The following HDAC1 variants were observed in gnomAD, a reference collection of about 807,000 sequenced individuals.
The protein encoded by HDAC1 is protein deacetylase HDAC1.
In HDAC1, 18 loss-of-function variants were observed where a neutral mutation model predicts 65.5. The observed-to-expected ratio is 0.27, with a 90% CI of 0.19 to 0.41. The LOEUF (loss-of-function observed/expected upper bound fraction) is 0.41, where lower values mean the gene tolerates loss of function less well. HDAC1 is among the 10% of genes least tolerant of loss of function. HDAC1 has a pLI of 1.00. For missense variants in HDAC1, 373 were observed against 625.2 expected, an observed-to-expected ratio of 0.60 and a Z score of 4.30; for synonymous variants, 211 against 227.9, an observed-to-expected ratio of 0.93 and a Z score of 0.67.
chr1:32,330,506 C>G lies in HDAC1; in HGVS notation c.730-72C>G. On this transcript the variant is annotated intron_variant, in intron 7 of 13. Coordinates refer to ENST00000373548, the MANE Select transcript of HDAC1 (RefSeq NM_004964.3). This position sits in a 1 kb window ranked among gnomAD's most constrained non-coding sequence, Gnocchi z 4.2. The stretch of plus-strand genomic sequence containing the variant: ...GGTAGGAGTGGGTGGGAAAGTGTTG[C>G]ACCCAGCCTTTCCACTCCAAACCTC... 1 of 1,009,864 alleles carries G rather than the reference C, an allele frequency of 9.9e-7. No individual in the cohort carries two copies. The highest frequency in any genetic ancestry group is 1.3e-5 in the South Asian group (1 of 77,438). The allele number at this position is 1,009,864 out of a possible 1,614,324, so 62.6% of individuals were successfully genotyped here.
chr1:32,328,092 C>T (rs1210316669), intron 6 of HDAC1, among the ~76,000 whole-genome samples: 1 of 152,160 alleles, frequency 6.6e-6, no homozygotes, highest in Non-Finnish European at 1.5e-5. Flanking sequence ...TGAGATTTTA[C>T]ATCTGATATA....
At position 32,330,856 on chromosome 1, in the gene HDAC1, C is replaced by T. The variant is rs2148072535; in HGVS notation, c.927C>T (p.Ala309=). 1 of 1,614,124 alleles carries T rather than the reference C, an allele frequency of 6.2e-7. No individual in the cohort carries two copies. The highest frequency in any genetic ancestry group is 8.5e-7 in the Non-Finnish European group (1 of 1,179,998). The change falls in exon 9 of 14, where the codon GCC becomes GCT. Residue 309 remains alanine, a synonymous_variant. Coordinates refer to ENST00000373548, the MANE Select transcript of HDAC1 (RefSeq NM_004964.3). This position sits in a 1 kb window ranked among gnomAD's most constrained non-coding sequence, Gnocchi z 4.2. ...GGGGYTIRNV[A]RCWTYETAVA... is the part of the protein sequence containing the mutation. ...GTGGTTACACCATTCGTAACGTTGCCCGGTGCTGGACATATGAGACAGCTG... is the reference window on the plus strand; with the variant it reads ...GTGGTTACACCATTCGTAACGTTGCTCGGTGCTGGACATATGAGACAGCTG...
intron 2 of HDAC1, among the ~76,000 whole-genome samples, chr1:32,314,203 A>T (rs1178694015): frequency 1.3e-5 from 2 of 152,080 alleles, no homozygotes. Flanking sequence ...TAATGTATAT[A>T]TTTTTTGAGA....
At chr1:32,332,348 C>G in intron 12 of HDAC1, 106 bp downstream of exon 12, 3 of 1,070,104 alleles carry the variant, frequency 2.8e-6, no homozygotes, top group Non-Finnish European at 4.1e-6. Flanking sequence ...TCCTGTGGGG[C>G]TCTTCCTCAG....
rs1431188623 is a variant in HDAC1 at position 32,332,373 on chromosome 1, C to T, written c.1372+131C>T. The T allele has an allele frequency of 1.2e-5, 10 of 845,016 alleles. No homozygotes were observed. The Admixed American group carries it at 2.2e-4, about 19-fold the overall frequency. The allele number at this position is 845,016 out of a possible 1,614,324, so 52.3% of individuals were successfully genotyped here. A position where few individuals can be genotyped will look rare whatever the true frequency, so the allele number is the denominator to read the frequency against. On this transcript the variant is annotated intron_variant, in intron 12 of 13. Coordinates refer to ENST00000373548, the MANE Select transcript of HDAC1 (RefSeq NM_004964.3). The stretch of plus-strand genomic sequence containing the variant: ...CTCTTCCTCAGTTCCTTGAGCCTTT[C>T]AGTGGCTCCCAGAAGTGGCAGAGCC...
chr1:32,313,380 C>T (rs763400021), intron 2 of HDAC1, among the ~76,000 whole-genome samples: 1 of 152,254 alleles, frequency 6.6e-6, no homozygotes, highest in Non-Finnish European at 1.5e-5. Flanking sequence ...CAGGTGTGAG[C>T]CACTGCGCCT....
At chr1:32,318,561 A>T (rs1641096017) in intron 3 of HDAC1, among the ~76,000 whole-genome samples, 1 of 151,522 alleles carries the variant, frequency 6.6e-6, no homozygotes, top group African/African-American at 2.4e-5. Flanking sequence ...AGACCAAAAA[A>T]AAAAAGACAT....
At chr1:32,300,262 C>T (rs1181113356) in intron 1 of HDAC1, among the ~76,000 whole-genome samples, 4 of 151,972 alleles carry the variant, frequency 2.6e-5, no homozygotes, top group African/African-American at 9.7e-5. Flanking sequence ...GGTACCCAGT[C>T]TTGTGGATAT....
Position 32,331,592 on chromosome 1 carries a change from T to C in HDAC1, c.1088+10T>C. 2 of 1,609,730 alleles carry C rather than the reference T, an allele frequency of 1.2e-6. No homozygotes were observed. Among genetic ancestry groups the C allele is most frequent in the Non-Finnish European group, 1.7e-6 (2 of 1,176,060 alleles). ...ACCTGGAGAAGATCAAGTGAGTATA[T>C]CCTCCAGCCACCCCTTGGTTGAACA... On this transcript the variant is annotated intron_variant, in intron 10 of 13. Transcript: ENST00000373548. The surrounding 1 kb of genome is among the most constrained non-coding windows in gnomAD (Gnocchi z 4.2).
At chr1:32,309,603 C>T (rs979211073) in intron 2 of HDAC1, among the ~76,000 whole-genome samples, 5 of 148,766 alleles carry the variant, frequency 3.4e-5, no homozygotes, top group African/African-American at 1.3e-4. Flanking sequence ...AGGAAAATCG[C>T]TTGAACCTGG....
chr1:32,307,303 A>C, intron 2 of HDAC1, among the ~76,000 whole-genome samples: 1 of 152,186 alleles, frequency 6.6e-6, no homozygotes, highest in Non-Finnish European at 1.5e-5. Context: ...TAGCGACTTC[A>C]GCACAGGATT....
At position 32,327,151 on chromosome 1, in the gene HDAC1, G is replaced by T; in HGVS notation, c.494+74G>T. Reference sequence around the variant, plus strand: ...CCCATTTCCCTCTTCCCCTGGGCTTGCCTCCCTAGTTTGCTTTTCCTACCG... The same window carrying T: ...CCCATTTCCCTCTTCCCCTGGGCTTTCCTCCCTAGTTTGCTTTTCCTACCG... On this transcript the variant is annotated intron_variant, in intron 5 of 13. Transcript: ENST00000373548. This position sits in a 1 kb window ranked among gnomAD's most constrained non-coding sequence, Gnocchi z 6.0. 6.6e-7 allele frequency: 1 copy of T among 1,519,638 alleles called. No homozygotes were observed. Among genetic ancestry groups the T allele is most frequent in the Non-Finnish European group, 9.0e-7 (1 of 1,106,152 alleles). 94.1% of individuals were successfully genotyped at this position (1,519,638 alleles called of 1,614,324 possible).
chr1:32,327,711 C>T lies in HDAC1; in HGVS notation c.636+34C>T, dbSNP rs370058346. The T allele has an allele frequency of 1.2e-6, 2 of 1,607,920 alleles. No individual in the cohort carries two copies. Among genetic ancestry groups the T allele is most frequent in the African/African-American group, 1.3e-5 (1 of 74,906 alleles). Reference sequence around the variant, plus strand: ...GCCCTTTAGGAGCCAACCGGCTTACCCTCAGCTGGCAGCTCTACTTCTCTC... The same window carrying T: ...GCCCTTTAGGAGCCAACCGGCTTACTCTCAGCTGGCAGCTCTACTTCTCTC... On this transcript the variant is annotated intron_variant, in intron 6 of 13. Coordinates refer to ENST00000373548, the MANE Select transcript of HDAC1 (RefSeq NM_004964.3). The surrounding 1 kb of genome is among the most constrained non-coding windows in gnomAD (Gnocchi z 6.0).
chr1:32,327,703 C>T lies in HDAC1; in HGVS notation c.636+26C>T, dbSNP rs112191470. ...GTGAGAACGCCCTTTAGGAGCCAAC[C>T]GGCTTACCCTCAGCTGGCAGCTCTA... On this transcript the variant is annotated intron_variant, in intron 6 of 13. Coordinates refer to ENST00000373548, the MANE Select transcript of HDAC1 (RefSeq NM_004964.3). The surrounding 1 kb of genome is among the most constrained non-coding windows in gnomAD (Gnocchi z 6.0). The T allele has an allele frequency of 1.2e-5, 20 of 1,611,464 alleles. No individual in the cohort carries two copies. Among genetic ancestry groups the T allele is most frequent in the African/African-American group, 4.0e-5 (3 of 74,876 alleles).
chr1:32,324,056 A>G (rs1286012966), intron 3 of HDAC1, among the ~76,000 whole-genome samples: 1 of 152,048 alleles, frequency 6.6e-6, no homozygotes, highest in African/African-American at 2.4e-5. Flanking sequence ...GGCCAAGGCA[A>G]GAAGACTGCA....
Position 32,332,145 on chromosome 1 carries a change from G to C in HDAC1, c.1275G>C (p.Glu425Asp), listed in dbSNP as rs2148073618. 4 of 1,613,336 alleles carry C rather than the reference G, an allele frequency of 2.5e-6. No individual in the cohort carries two copies. In the East Asian group the frequency reaches 8.9e-5, roughly 36 times the overall value. Residue 425 changes from glutamate (E) to aspartate (D), a missense_variant, in exon 12 of 14, where the codon GAG (glutamate) becomes GAC (aspartate). Physicochemically the swap from Glu to Asp is conservative, Grantham distance 45. This residue lies in a region of HDAC1 where 126 missense variants were observed against 126.2 expected (regional missense o/e 1.00). Coordinates refer to ENST00000373548, the MANE Select transcript of HDAC1 (RefSeq NM_004964.3). ...ACEEEFSDSE[E>D]EGEGGRKNSS... Reference sequence around the variant, plus strand: ...AGGAAGAGTTCTCCGATTCTGAAGAGGAGGGAGAGGGGGGCCGCAAGAACT... The same window carrying C: ...AGGAAGAGTTCTCCGATTCTGAAGACGAGGGAGAGGGGGGCCGCAAGAACT...
intron 2 of HDAC1, among the ~76,000 whole-genome samples, chr1:32,314,458 A>G (rs12723325): frequency 1.3e-5 from 2 of 151,986 alleles, no homozygotes; most frequent in African/African-American, 4.8e-5. Flanking sequence ...CTCCCGAAGT[A>G]CTGGGATTTT....
intron 3 of HDAC1, among the ~76,000 whole-genome samples, chr1:32,322,914 T>G (rs1163811512): frequency 6.6e-6 from 1 of 152,192 alleles, no homozygotes; most frequent in African/African-American, 2.4e-5. Flanking sequence ...GATATCTGGC[T>G]TGTCCAGCTC....
chr1:32,331,793 C>A lies in HDAC1; in HGVS notation c.1206C>A (p.Asp402Glu). 1 of 1,612,040 alleles carries A rather than the reference C, an allele frequency of 6.2e-7. No homozygotes were observed. Residue 402 changes from aspartate to glutamate, a missense_variant, in exon 11 of 14, where the codon GAC becomes GAA. Physicochemically the swap from Asp to Glu is conservative, Grantham distance 45. Transcript: ENST00000373548. The surrounding 1 kb of genome is among the most constrained non-coding windows in gnomAD (Gnocchi z 4.2). ...ESGDEDEDDP[D>E]KRISICSSDK... ...GCGATGAGGACGAAGACGACCCTGA[C>A]AAGCGCATCTCGAGTGAGACCCAGA... is the stretch of plus-strand genomic sequence containing the variant.
Sources: gnomAD v4.1 joint callset for allele counts (sites outside exome capture counted in the v4.1 genomes callset) on GRCh38, gnomAD v4.1.1 for gene constraint, gnomAD v4.1.1 regional missense constraint, Gnocchi (gnomAD v3.1) non-coding constraint, MANE v1.5 for transcripts, NCBI Gene and HGNC (gene_info 2026-07-23, HGNC 2026-07-21) for gene names.